The following NLRP1 variants were observed in gnomAD, a reference collection of about 807,000 sequenced individuals.
The protein encoded by NLRP1 is NACHT, LRR and PYD domains-containing protein 1.
A neutral mutation model predicts 136.7 loss-of-function variants in NLRP1; 94 were observed. The ratio of observed to expected loss-of-function variants is 0.69; its 90% CI spans 0.58 to 0.82. The LOEUF (loss-of-function observed/expected upper bound fraction) is 0.82, where lower values mean the gene tolerates loss of function less well. Ranked by LOEUF, NLRP1 falls within the 40% of genes least tolerant of loss-of-function variation. The pLI is 0.00. For synonymous variants in NLRP1, 690 were observed against 725.1 expected, an observed-to-expected ratio of 0.95 and a Z score of 0.78; for missense variants, 1,575 against 1,802.7, an observed-to-expected ratio of 0.87 and a Z score of 2.29.
chr17:5,541,807 T>C lies in NLRP1; in HGVS notation c.2699+50A>G. 1 of 1,568,024 alleles carries C rather than the reference T, an allele frequency of 6.4e-7. No individual in the cohort carries two copies. Among genetic ancestry groups the C allele is most frequent in the Non-Finnish European group, 8.8e-7 (1 of 1,141,414 alleles). ...CTGCTCTTACCCTCTGCCTGCCTCA[T>C]GGTGGCAGGCAGTTCCCTCCACCTC... On this transcript the variant is annotated intron_variant, in intron 6 of 16. Transcript: ENST00000572272. This position sits in a 1 kb window ranked among gnomAD's most constrained non-coding sequence, Gnocchi z 4.2.
At chr17:5,545,935 T>C (rs1187297877) in intron 5 of NLRP1, among the ~76,000 whole-genome samples, 1 of 152,176 alleles carries the variant, frequency 6.6e-6, no homozygotes, top group Non-Finnish European at 1.5e-5. Context: ...CTTGGGGCTT[T>C]ATTTATTTTT....
intron 3 of NLRP1, among the ~76,000 whole-genome samples, chr17:5,560,980 A>G (rs1163975580): frequency 2.6e-5 from 4 of 152,226 alleles, no homozygotes; most frequent in African/African-American, 9.6e-5. Context: ...ATAGAACAAC[A>G]GTTACAACCT....
At position 5,558,286 on chromosome 17, in the gene NLRP1, C is replaced by T. The variant is rs945021048; in HGVS notation, c.2357+53G>A. On this transcript the variant is annotated intron_variant, in intron 4 of 16. Transcript: ENST00000572272. ...GCATGCCTCTGGTGCTCAGGTCACT[C>T]GGGCTTATGGACTGACAGAGGAGCT... is the stretch of plus-strand genomic sequence containing the variant. 2.1e-5 allele frequency: 33 copies of T among 1,537,098 alleles called. No homozygotes were observed. In the Admixed American group the frequency reaches 2.9e-4, roughly 13 times the overall value.
intron 10 of NLRP1, 26 bp downstream of exon 10, chr17:5,533,278 A>C: frequency 1.9e-6 from 3 of 1,551,720 alleles, no homozygotes; most frequent in Non-Finnish European, 2.6e-6. Flanking sequence ...CAAAAGATGA[A>C]AGGGGCCAGG....
intron 4 of NLRP1, among the ~76,000 whole-genome samples, chr17:5,556,115 T>TACAC (rs59028107): frequency 0.052 from 6,146 of 118,936 alleles, 198 homozygotes; most frequent in East Asian, 0.083. Context: ...TCTCTCTCTC[T>TACAC]ACACACACAC....
At chr17:5,526,138 C>A (rs982527889) in intron 12 of NLRP1, among the ~76,000 whole-genome samples, 5 of 152,178 alleles carry the variant, frequency 3.3e-5, no homozygotes, top group Non-Finnish European at 7.4e-5. Context: ...CCATGCCTGG[C>A]TAATTCTTCA....
Position 5,514,381 on chromosome 17 carries a change from T to C in NLRP1, c.*373A>G. ...GGCCTCCCACGCTGAACCCCAATTT[T>C]GGGGCTCACCCTGTGACACAGCCAG... is the stretch of plus-strand genomic sequence containing the variant. On this transcript the variant is annotated 3_prime_UTR_variant, in exon 17 of 17. Coordinates refer to ENST00000572272, the MANE Select transcript of NLRP1 (RefSeq NM_033004.4). 1 of 1,077,804 alleles carries C rather than the reference T, an allele frequency of 9.3e-7. No individual in the cohort carries two copies. Among genetic ancestry groups the C allele is most frequent in the African/African-American group, 1.6e-5 (1 of 61,584 alleles). The allele number at this position is 1,077,804 out of a possible 1,614,324, so 66.8% of individuals were successfully genotyped here. A position where few individuals can be genotyped will look rare whatever the true frequency, so the allele number is the denominator to read the frequency against.
intron 12 of NLRP1, among the ~76,000 whole-genome samples, chr17:5,526,958 T>C (rs1490356320): frequency 6.6e-6 from 1 of 152,216 alleles, no homozygotes; most frequent in African/African-American, 2.4e-5. Context: ...GAAGCACCAG[T>C]GCCCAAGTCC....
chr17:5,575,897 A>G (rs972258610), intron 3 of NLRP1, among the ~76,000 whole-genome samples: 8 of 152,246 alleles, frequency 5.3e-5, no homozygotes, highest in Non-Finnish European at 1.2e-4. Flanking sequence ...AGCAAATGTA[A>G]AAGGACAGAA....
At chr17:5,513,593 C>A (rs1839118379), downstream of NLRP1, among the ~76,000 whole-genome samples, 2 of 152,214 alleles carry the variant, frequency 1.3e-5, no homozygotes. Context: ...CCCTATAAGT[C>A]ATTCGATCAG....
chr17:5,533,694 C>G (rs1479811324), intron 9 of NLRP1, among the ~76,000 whole-genome samples: 1 of 151,742 alleles, frequency 6.6e-6, no homozygotes. Flanking sequence ...AGGGGAAGCA[C>G]CAGCCGGTGG....
chr17:5,533,969 G>A lies in NLRP1; in HGVS notation c.2980C>T (p.Pro994Ser). The change falls in exon 9 of 17, where the codon CCT becomes TCT. Residue 994 changes from proline (P) to serine (S), a missense_variant. By Grantham distance (74) the Pro-to-Ser change is moderately conservative. Transcript: ENST00000572272. ...TCTCCCGTATCCAGGCCCTCAGTAGGGGTCATCACACTTGGTTTCCTGGAC... is the reference window on the plus strand; with the variant it reads ...TCTCCCGTATCCAGGCCCTCAGTAGAGGTCATCACACTTGGTTTCCTGGAC... ...FSRRKPSVMT[P>S]TEGLDTGEMS... The A allele has an allele frequency of 6.2e-7, 1 of 1,611,886 alleles. No individual in the cohort carries two copies.
chr17:5,577,050 A>C (rs4790269), intron 3 of NLRP1, among the ~76,000 whole-genome samples: 124,547 of 152,188 alleles, frequency 0.82, 51,478 homozygotes, highest in African/African-American at 0.93. Flanking sequence ...AGGCCTTTGA[A>C]AAAATTCAAC....
At chr17:5,530,830 ATGGAC>A (rs1179760166) in intron 11 of NLRP1, 126 bp from the exon 12 acceptor site, 4 of 676,176 alleles carry the variant, frequency 5.9e-6, no homozygotes, top group African/African-American at 5.3e-5. Flanking sequence ...TCGGAATCAG[ATGGAC>A]TTGCATTTTA....
In NLRP1 at chr17:5,579,955, C is replaced by T. The variant is rs146380082; in HGVS notation, c.652+1904G>A. 3.9e-3 allele frequency among the ~76,000 whole-genome samples: 595 copies of T among 152,222 alleles called. 3 individuals carry two copies. The highest frequency in any genetic ancestry group is 0.013 in the African/African-American group (547 of 41,542). On this transcript the variant is annotated intron_variant, in intron 3 of 16. Transcript: ENST00000572272. Reference sequence around the variant, plus strand: ...GGTAAGGATTAAAAAACTACCGGGCCGGGCGCGGTGGCTCACACCTGTAAT... The same window carrying T: ...GGTAAGGATTAAAAAACTACCGGGCTGGGCGCGGTGGCTCACACCTGTAAT...
In NLRP1 at chr17:5,576,590, C is replaced by A. The variant is rs371941894; in HGVS notation, c.652+5269G>T. On this transcript the variant is annotated intron_variant, in intron 3 of 16. Coordinates refer to ENST00000572272, the MANE Select transcript of NLRP1 (RefSeq NM_033004.4). ...GACTAAACCAGGAAGAAGTTGAATC[C>A]CTGAATAGACCAATAACAGGCTCTG... Among the ~76,000 whole-genome samples, 13 of 152,260 alleles carry A rather than the reference C, an allele frequency of 8.5e-5. No homozygotes were observed. In the South Asian group the frequency reaches 2.5e-3, roughly 29 times the overall value.
At chr17:5,522,052 T>G (rs1339099073) in intron 12 of NLRP1, among the ~76,000 whole-genome samples, 1 of 152,242 alleles carries the variant, frequency 6.6e-6, no homozygotes, top group Non-Finnish European at 1.5e-5. Flanking sequence ...CTTGAACTCC[T>G]GACCTCAGGT....
chr17:5,526,467 C>T (rs995395742), intron 12 of NLRP1, among the ~76,000 whole-genome samples: 5 of 152,004 alleles, frequency 3.3e-5, no homozygotes, highest in Admixed American at 6.5e-5. Context: ...GGGAATGGGG[C>T]GAGACCCCAC....
At chr17:5,521,487 C>T (rs1211123821) in intron 13 of NLRP1, 37 bp downstream of exon 13, 3 of 1,596,548 alleles carry the variant, frequency 1.9e-6, no homozygotes, top group African/African-American at 2.7e-5. Context: ...TTACCGTCAA[C>T]CCACCGTGGC....
Sources: allele counts gnomAD v4.1 joint callset (sites outside exome capture counted in the v4.1 genomes callset), GRCh38; gene constraint gnomAD v4.1.1; non-coding constraint Gnocchi (gnomAD v3.1); transcripts MANE v1.5; gene names NCBI Gene and HGNC (gene_info 2026-07-23, HGNC 2026-07-21).